Variants in ERP27 observed in about 807,000 individuals in gnomAD.
The protein encoded by ERP27 is endoplasmic reticulum resident protein 27.
A neutral mutation model predicts 27.7 loss-of-function variants in ERP27; 23 were observed. That is an observed-to-expected ratio of 0.83 (90% CI 0.60 to 1.18). ERP27 has a LOEUF of 1.18. Ranked by LOEUF, ERP27 falls within the 50% of genes most tolerant of loss-of-function variation. The probability of loss-of-function intolerance (pLI) is 0.00; values close to 1 mark genes in which losing one functional copy is unlikely to be tolerated. For missense variants in ERP27, 363 were observed against 327.9 expected (o/e 1.11, Z -0.83); for synonymous variants, 159 against 118.3 (o/e 1.34, Z -2.23).
At chr12:14,924,356 C>T (rs1268214490) in intron 3 of ERP27, among the ~76,000 whole-genome samples, 1 of 152,084 alleles carries the variant, frequency 6.6e-6, no homozygotes, top group Non-Finnish European at 1.5e-5. Context: ...GATATCTCCT[C>T]GACATACTAT....
intron 3 of ERP27, among the ~76,000 whole-genome samples, chr12:14,921,726 A>C (rs1863506816): frequency 6.6e-6 from 1 of 152,240 alleles, no homozygotes; most frequent in Non-Finnish European, 1.5e-5. Context: ...CACCCAAGTC[A>C]AGAAATAGAA....
chr12:14,933,682 C>T (rs927948789), intron 3 of ERP27, among the ~76,000 whole-genome samples: 1 of 152,184 alleles, frequency 6.6e-6, no homozygotes, highest in Non-Finnish European at 1.5e-5. Context: ...TGATATTCCA[C>T]CAACAAGTAG....
At chr12:14,920,867 T>C (rs958587494) in intron 4 of ERP27, 65 bp downstream of exon 4, 1 of 1,256,226 alleles carries the variant, frequency 8.0e-7, no homozygotes, top group Non-Finnish European at 1.2e-6. Context: ...AGACCTCTGT[T>C]ATGAAGACCA....
At chr12:14,929,125 C>T (rs1863658863) in intron 3 of ERP27, 2 of 1,469,562 alleles carry the variant, frequency 1.4e-6, no homozygotes, top group Non-Finnish European at 1.8e-6. Context: ...CATCGCTGTG[C>T]ATGGATCAAG....
At chr12:14,917,119 C>T (rs986177653) in intron 5 of ERP27, 59 bp downstream of exon 5, 64 of 1,598,982 alleles carry the variant, frequency 4.0e-5, no homozygotes, top group Non-Finnish European at 5.3e-5. Flanking sequence ...AGCCCCATCT[C>T]CCTTTTCCTA....
In ERP27 at chr12:14,934,838, G is replaced by A; in HGVS notation, c.333+18C>T. On this transcript the variant is annotated intron_variant, in intron 3 of 6. Transcript: ENST00000266397. ...AGTGAAAATCTGGGAGAAAGCTCAA[G>A]CTACCCACCCAACTTACCAGGCGAA... The A allele has an allele frequency of 1.2e-6, 2 of 1,613,584 alleles. No homozygotes were observed. The highest frequency in any genetic ancestry group is 1.3e-5 in the African/African-American group (1 of 75,008).
chr12:14,935,750 C>G (rs1863763903), intron 2 of ERP27, among the ~76,000 whole-genome samples: 2 of 152,162 alleles, frequency 1.3e-5, no homozygotes, highest in South Asian at 4.1e-4. Flanking sequence ...TATTTTGACA[C>G]AGAGTCTTGC....
At chr12:14,938,194 A>T (rs765382326) in intron 1 of ERP27, 142 bp from the exon 2 acceptor site, 69 of 793,538 alleles carry the variant, frequency 8.7e-5, no homozygotes, top group Non-Finnish European at 1.3e-4. Flanking sequence ...TCCAAGGCAT[A>T]ATATTTTTAC....
At chr12:14,923,107 AT>A (rs1344454367) in intron 3 of ERP27, among the ~76,000 whole-genome samples, 2 of 149,466 alleles carry the variant, frequency 1.3e-5, no homozygotes, top group South Asian at 2.1e-4. Flanking sequence ...AAGATCCTTG[AT>A]TTTTGTATTA....
At chr12:14,918,463 AGAG>A (rs777024240) in intron 4 of ERP27, among the ~76,000 whole-genome samples, 6 of 152,254 alleles carry the variant, frequency 3.9e-5, no homozygotes, top group Non-Finnish European at 7.3e-5. Context: ...CCAGTCAGAC[AGAG>A]GAGAAGAAAA....
chr12:14,924,220 T>C (rs766628394), intron 3 of ERP27, among the ~76,000 whole-genome samples: 18 of 152,222 alleles, frequency 1.2e-4, no homozygotes, highest in Non-Finnish European at 2.2e-4. Flanking sequence ...CTCTTTTTTA[T>C]GGCTGAATAG....
Position 14,937,996 on chromosome 12 carries a change from C to T in ERP27, c.151G>A (p.Glu51Lys), listed in dbSNP as rs1863796983. The change falls in exon 2 of 7, where the codon GAA becomes AAA. Residue 51 changes from glutamate (E) to lysine (K), a missense_variant. Coordinates refer to ENST00000266397, the MANE Select transcript of ERP27 (RefSeq NM_152321.4). ...TWLTDVPAAM[E>K]FIAATEVAVI... is the part of the protein sequence containing the mutation. ...GCCACCTCAGTGGCAGCAATGAATT[C>T]CATGGCAGCTGGGACATCTGTGAGC... 6.2e-7 allele frequency: 1 copy of T among 1,613,960 alleles called. No individual in the cohort carries two copies. The highest frequency in any genetic ancestry group is 1.7e-5 in the Admixed American group (1 of 60,000).
At chr12:14,935,729 CTTTG>C (rs1863763600) in intron 2 of ERP27, among the ~76,000 whole-genome samples, 1 of 152,058 alleles carries the variant, frequency 6.6e-6, no homozygotes, top group Admixed American at 6.6e-5. Context: ...TTAAGATGTA[CTTTG>C]TTTATTTATT....
In ERP27 at chr12:14,937,981, T is replaced by A. The variant is rs749237542; in HGVS notation, c.166A>T (p.Thr56Ser). Reference sequence around the variant, plus strand: ...AAGAAGCCTATGACAGCCACCTCAGTGGCAGCAATGAATTCCATGGCAGCT... The same window carrying A: ...AAGAAGCCTATGACAGCCACCTCAGAGGCAGCAATGAATTCCATGGCAGCT... ...VPAAMEFIAA[T>S]EVAVIGFFQD... Residue 56 changes from threonine to serine, a missense_variant, in exon 2 of 7, where the codon ACT becomes TCT. Coordinates refer to ENST00000266397, the MANE Select transcript of ERP27 (RefSeq NM_152321.4). 171 of 1,613,890 alleles carry A rather than the reference T, an allele frequency of 1.1e-4. 1 individual carries two copies. The highest frequency in any genetic ancestry group is 1.4e-4 in the Non-Finnish European group (167 of 1,179,970).
At chr12:14,917,837 G>A (rs918964979) in intron 4 of ERP27, among the ~76,000 whole-genome samples, 12 of 152,270 alleles carry the variant, frequency 7.9e-5, no homozygotes, top group Middle Eastern at 3.4e-3. Context: ...GAAGCACCTA[G>A]CCCTAGCCAC....
intron 2 of ERP27, among the ~76,000 whole-genome samples, chr12:14,937,501 G>C (rs1863789663): frequency 6.6e-6 from 1 of 152,172 alleles, no homozygotes; most frequent in African/African-American, 2.4e-5. Context: ...TGGGGGAAAG[G>C]CTTTAAAAGG....
chr12:14,938,483 A>G lies in ERP27; in HGVS notation c.26T>C (p.Met9Thr), dbSNP rs767875511. ...ACACGTGAGGAGAAATAAGAGGAACATGAACCTGGACGGGGCAGCTTCCAT... is the reference window on the plus strand; with the variant it reads ...ACACGTGAGGAGAAATAAGAGGAACGTGAACCTGGACGGGGCAGCTTCCAT... MEAAPSRF[M>T]FLLFLLTCEL... The change falls in exon 1 of 7, where the codon ATG becomes ACG. Residue 9 changes from methionine to threonine, a missense_variant. By Grantham distance (81) the Met-to-Thr change is moderately conservative. Transcript: ENST00000266397. 2.5e-6 allele frequency: 4 copies of G among 1,613,806 alleles called. No homozygotes were observed. Among genetic ancestry groups the G allele is most frequent in the Non-Finnish European group, 3.4e-6 (4 of 1,179,868 alleles).
chr12:14,922,892 T>C (rs1863528097), intron 3 of ERP27, among the ~76,000 whole-genome samples: 1 of 152,084 alleles, frequency 6.6e-6, no homozygotes, highest in Non-Finnish European at 1.5e-5. Flanking sequence ...CCGGCCAACA[T>C]GGTGAAACCC....
At chr12:14,920,837 A>T (rs1863490472) in intron 4 of ERP27, 95 bp downstream of exon 4, 1 of 887,632 alleles carries the variant, frequency 1.1e-6, no homozygotes, top group East Asian at 2.4e-5. Flanking sequence ...TGGTCGAAGA[A>T]TTGGAACTCT....
Sources: allele counts gnomAD v4.1 joint callset (sites outside exome capture counted in the v4.1 genomes callset), GRCh38; gene constraint gnomAD v4.1.1; transcripts MANE v1.5; gene names NCBI Gene and HGNC (gene_info 2026-07-23, HGNC 2026-07-21).